ADAMTS2: variants seen among roughly 807,000 people sequenced by gnomAD.
ADAMTS2 encodes the protein ADAM metallopeptidase with thrombospondin type 1 motif 2.
In ADAMTS2, 50 loss-of-function variants were observed where a neutral mutation model predicts 123.0. The observed-to-expected ratio is 0.41, with a 90% CI of 0.32 to 0.51. The LOEUF is 0.51. ADAMTS2 is among the 20% of genes least tolerant of loss of function. ADAMTS2 has a pLI of 0.35. For missense variants in ADAMTS2, 1,494 were observed against 1,705.2 expected, an observed-to-expected ratio of 0.88 and a Z score of 2.18; for synonymous variants, 678 against 695.4, an observed-to-expected ratio of 0.98 and a Z score of 0.39.
At chr5:179,222,021 A>T (rs1051753413) in intron 3 of ADAMTS2, among the ~76,000 whole-genome samples, 3 of 152,110 alleles carry the variant, frequency 2.0e-5, no homozygotes, top group Non-Finnish European at 4.4e-5. Flanking sequence ...GACAGCACCG[A>T]GAGGCCCCCA....
chr5:179,338,241 T>A (rs749755015), intron 2 of ADAMTS2, among the ~76,000 whole-genome samples: 1 of 152,070 alleles, frequency 6.6e-6, no homozygotes, highest in African/African-American at 2.4e-5. Context: ...CCCTAAAGGA[T>A]TCCAGGAGAG....
At chr5:179,281,880 C>G (rs1038344912) in intron 2 of ADAMTS2, among the ~76,000 whole-genome samples, 1 of 152,208 alleles carries the variant, frequency 6.6e-6, no homozygotes, top group Non-Finnish European at 1.5e-5. Context: ...CATGCTTCGG[C>G]TTGCATTTCC....
intron 10 of ADAMTS2, among the ~76,000 whole-genome samples, chr5:179,149,961 C>T (rs918894672): frequency 1.1e-4 from 16 of 152,208 alleles, no homozygotes; most frequent in African/African-American, 3.6e-4. Flanking sequence ...TGAAGGGCTG[C>T]GGCCAGGTGG....
intron 2 of ADAMTS2, among the ~76,000 whole-genome samples, chr5:179,291,692 G>C (rs925943140): frequency 2.0e-5 from 3 of 152,114 alleles, no homozygotes; most frequent in Non-Finnish European, 4.4e-5. Flanking sequence ...GAGGCTGCAA[G>C]ATGTGTGGTT....
chr5:179,150,909 T>C (rs1287600468), intron 10 of ADAMTS2: 3 of 157,480 alleles, frequency 1.9e-5, no homozygotes, highest in Non-Finnish European at 4.2e-5. Flanking sequence ...TTTATTTTTA[T>C]TTTTTGAGAC....
chr5:179,158,651 C>T lies in ADAMTS2; in HGVS notation c.1132+72G>A, dbSNP rs939545082. ...CTTCCCTGGGCTGGGCCAAGGCTCC[C>T]GGGGCCCCTTGCATGGCCAGGGGCT... is the stretch of plus-strand genomic sequence containing the variant. On this transcript the variant is annotated intron_variant, in intron 6 of 21. Transcript: ENST00000251582. This position sits in a 1 kb window ranked among gnomAD's most constrained non-coding sequence, Gnocchi z 5.0. The T allele has an allele frequency of 8.1e-6, 13 of 1,608,166 alleles. No homozygotes were observed. Among genetic ancestry groups the T allele is most frequent in the Admixed American group, 3.3e-5 (2 of 59,960 alleles).
rs1348967131 is a variant in ADAMTS2, at chr5:179,242,461, T to C, written c.688+30450A>G. On this transcript the variant is annotated intron_variant, in intron 3 of 21. Coordinates refer to ENST00000251582, the MANE Select transcript of ADAMTS2 (RefSeq NM_014244.5). This position sits in a 1 kb window ranked among gnomAD's most constrained non-coding sequence, Gnocchi z 4.2. ...TGGAATGGTGGTGAGAGGAGCCCCA[T>C]GGACACATTCCCCTCAGAACAACCA... Among the ~76,000 whole-genome samples, 8 of 152,208 alleles carry C rather than the reference T, an allele frequency of 5.3e-5. No individual in the cohort carries two copies. Among genetic ancestry groups the C allele is most frequent in the Non-Finnish European group, 1.0e-4 (7 of 68,046 alleles).
chr5:179,271,709 T>C (rs1428150393), intron 3 of ADAMTS2, among the ~76,000 whole-genome samples: 3 of 152,238 alleles, frequency 2.0e-5, no homozygotes, highest in African/African-American at 7.2e-5. Flanking sequence ...CCGGTTGCAC[T>C]GATTGGCTCC....
rs749016307 is a variant in ADAMTS2 at position 179,136,068 on chromosome 5, G to A, written c.1952-26C>T. On this transcript the variant is annotated intron_variant, in intron 12 of 21. Transcript: ENST00000251582. ...CTGGAAGGGAAGCAGCTGGGGGTCT[G>A]CAAGGAGCCCTGATGGCTTCCCCAT... 6.2e-6 allele frequency: 10 copies of A among 1,613,092 alleles called. No individual in the cohort carries two copies. The South Asian group carries it at 7.7e-5, about 12-fold the overall frequency.
At position 179,345,350 on chromosome 5, in the gene ADAMTS2, G is replaced by A. The variant is rs1436186541; in HGVS notation, c.-22C>T. On this transcript the variant is annotated 5_prime_UTR_variant, in exon 1 of 22. Coordinates refer to ENST00000251582, the MANE Select transcript of ADAMTS2 (RefSeq NM_014244.5). The surrounding 1 kb of genome is among the most constrained non-coding windows in gnomAD (Gnocchi z 7.5). ...CCATGGCAGCCGGACTGCAGCCGGG[G>A]CCCCGCACTCGCAGCCGGCGCGAAA... The A allele has an allele frequency of 1.8e-6, 2 of 1,131,872 alleles. No individual in the cohort carries two copies. Among genetic ancestry groups the A allele is most frequent in the African/African-American group, 1.6e-5 (1 of 60,640 alleles). The allele number at this position is 1,131,872 out of a possible 1,614,324, so 70.1% of individuals were successfully genotyped here.
intron 5 of ADAMTS2, among the ~76,000 whole-genome samples, chr5:179,167,587 G>T (rs185510534): frequency 4.6e-5 from 7 of 152,250 alleles, no homozygotes; most frequent in Admixed American, 3.3e-4. Context: ...AACCGCGCCC[G>T]CCCCGCCAGG....
chr5:179,141,477 G>A (rs981401474), intron 10 of ADAMTS2, among the ~76,000 whole-genome samples: 10 of 152,168 alleles, frequency 6.6e-5, no homozygotes, highest in African/African-American at 1.7e-4. Context: ...CCTCTCCCCA[G>A]TAACTGACGA....
intron 2 of ADAMTS2, among the ~76,000 whole-genome samples, chr5:179,304,336 A>T (rs756329211): frequency 9.2e-5 from 14 of 152,116 alleles, no homozygotes; most frequent in Non-Finnish European, 1.8e-4. Flanking sequence ...GGAAAATCTC[A>T]ACTCCTCCAG....
chr5:179,239,264 G>A (rs191898125), intron 3 of ADAMTS2, among the ~76,000 whole-genome samples: 187 of 152,186 alleles, frequency 1.2e-3, no homozygotes, highest in Admixed American at 1.7e-3. Flanking sequence ...GATCAGGGTC[G>A]GGGTGGATTT....
intron 12 of ADAMTS2, among the ~76,000 whole-genome samples, chr5:179,136,800 C>T (rs1323982563): frequency 6.6e-6 from 1 of 151,562 alleles, no homozygotes; most frequent in African/African-American, 2.4e-5. Context: ...GAAACCCTGT[C>T]TCTACAAAAA....
chr5:179,141,298 CTG>C (rs1275392416), intron 10 of ADAMTS2, among the ~76,000 whole-genome samples: 1 of 152,210 alleles, frequency 6.6e-6, no homozygotes, highest in Non-Finnish European at 1.5e-5. Flanking sequence ...TATATAATCT[CTG>C]TTGCAATTAA....
intron 4 of ADAMTS2, among the ~76,000 whole-genome samples, chr5:179,191,677 C>T (rs894300204): frequency 4.6e-5 from 7 of 152,114 alleles, no homozygotes; most frequent in African/African-American, 1.4e-4. Context: ...GGCTTGGAGC[C>T]GGAGCCCTAT....
chr5:179,266,306 CA>C (rs1425744436), intron 3 of ADAMTS2, among the ~76,000 whole-genome samples: 2 of 152,204 alleles, frequency 1.3e-5, no homozygotes, highest in Admixed American at 6.5e-5. Context: ...GTGTTTAAAT[CA>C]GGGGTCTTGA....
At chr5:179,165,466 C>T (rs574543882) in intron 5 of ADAMTS2, among the ~76,000 whole-genome samples, 142 of 152,272 alleles carry the variant, frequency 9.3e-4, no homozygotes, top group African/African-American at 3.2e-3. Flanking sequence ...CGGCTCTGCA[C>T]GGCTCCTCTA....
Sources: gnomAD v4.1 joint callset for allele counts (sites outside exome capture counted in the v4.1 genomes callset) on GRCh38, gnomAD v4.1.1 for gene constraint, Gnocchi (gnomAD v3.1) non-coding constraint, MANE v1.5 for transcripts, NCBI Gene and HGNC (gene_info 2026-07-23, HGNC 2026-07-21) for gene names.